RABGAP1L: variants seen among roughly 807,000 people sequenced by gnomAD.
The protein encoded by RABGAP1L is RAB GTPase activating protein 1 like, also known as rab GTPase-activating protein 1-like.
RABGAP1L carries 63 observed loss-of-function variants against 137.7 expected under a neutral mutation model. The ratio of observed to expected loss-of-function variants is 0.46; its 90% CI spans 0.37 to 0.56. RABGAP1L has a LOEUF of 0.56. RABGAP1L is among the 20% of genes least tolerant of loss of function. RABGAP1L has a pLI of 0.00. For synonymous variants in RABGAP1L, 431 were observed against 433.7 expected (o/e 0.99, Z 0.08); for missense variants, 1,095 against 1,244.0 (o/e 0.88, Z 1.80).
chr1:174,812,092 C>T, intron 19 of RABGAP1L, 132 bp downstream of exon 19: 1 of 835,544 alleles, frequency 1.2e-6, no homozygotes. Flanking sequence ...GAACTGATTT[C>T]TCCCAGATGT....
At chr1:174,743,095 A>ATTCC (rs1683579232) in intron 17 of RABGAP1L, among the ~76,000 whole-genome samples, 1 of 152,200 alleles carries the variant, frequency 6.6e-6, no homozygotes, top group Non-Finnish European at 1.5e-5. Flanking sequence ...CCAAGGAAGA[A>ATTCC]GGCTTTAATT....
chr1:174,193,752 A>G (rs1179395033), intron 1 of RABGAP1L, among the ~76,000 whole-genome samples: 3 of 152,158 alleles, frequency 2.0e-5, no homozygotes, highest in Non-Finnish European at 4.4e-5. Context: ...TGGGGAAGGG[A>G]GTATTAATAG....
chr1:174,829,922 A>C (rs1015612366), intron 19 of RABGAP1L, among the ~76,000 whole-genome samples: 1 of 148,384 alleles, frequency 6.7e-6, no homozygotes, highest in Admixed American at 6.8e-5. Context: ...TCAATTATCT[A>C]TTGCTGTATA....
chr1:174,275,810 A>G, intron 8 of RABGAP1L, 23 bp from the exon 9 acceptor site: 1 of 1,557,044 alleles, frequency 6.4e-7, no homozygotes, highest in Non-Finnish European at 8.8e-7. Context: ...TTTTATCAGT[A>G]ATTACTGTTT....
At chr1:174,164,185 T>A (rs1664733125) in intron 1 of RABGAP1L, among the ~76,000 whole-genome samples, 1 of 151,618 alleles carries the variant, frequency 6.6e-6, no homozygotes, top group Non-Finnish European at 1.5e-5. Flanking sequence ...GCTGAACAAA[T>A]GCTAAAAACC....
chr1:174,589,974 T>G (rs1669438249), intron 13 of RABGAP1L, among the ~76,000 whole-genome samples: 1 of 152,172 alleles, frequency 6.6e-6, no homozygotes, highest in Non-Finnish European at 1.5e-5. Flanking sequence ...AATTTACGAT[T>G]ATTTATTTAT....
intron 13 of RABGAP1L, among the ~76,000 whole-genome samples, chr1:174,622,298 A>T (rs1345837131): frequency 6.6e-6 from 1 of 152,208 alleles, no homozygotes; most frequent in African/African-American, 2.4e-5. Flanking sequence ...CAGTGTGGTG[A>T]TTCCTCAAGG....
At chr1:174,240,357 A>G (rs1378090007) in intron 4 of RABGAP1L, among the ~76,000 whole-genome samples, 1 of 152,100 alleles carries the variant, frequency 6.6e-6, no homozygotes, top group Non-Finnish European at 1.5e-5. Context: ...AGCGATTCTC[A>G]TACCTCGGCC....
chr1:174,261,812 C>G (rs570576625), intron 7 of RABGAP1L, among the ~76,000 whole-genome samples: 73 of 152,278 alleles, frequency 4.8e-4, no homozygotes, highest in African/African-American at 1.7e-3. Context: ...AGATGTCAGT[C>G]TGATTTGGAT....
chr1:174,392,143 C>T (rs1647232850), intron 12 of RABGAP1L, among the ~76,000 whole-genome samples: 1 of 151,972 alleles, frequency 6.6e-6, no homozygotes, highest in East Asian at 1.9e-4. Context: ...AATTTAAAGC[C>T]ACGAGAGAAG....
In RABGAP1L at chr1:174,241,560, A is replaced by T. The variant is rs1341038786; in HGVS notation, c.620A>T (p.Asp207Val). The stretch of plus-strand genomic sequence containing the variant: ...GTGTTATTCTGTGCACGTGGACATG[A>T]CGGAACAACAGAGAGCAATTGCTTT... ...YKVLFCARGHDGTTESNCFAF... is the reference protein window; with the variant it reads ...YKVLFCARGHVGTTESNCFAF... The change falls in exon 5 of 26, where the codon GAC becomes GTC. Residue 207 changes from aspartate (D) to valine (V), a missense_variant. Transcript: ENST00000681986. 6.2e-7 allele frequency: 1 copy of T among 1,613,530 alleles called. No homozygotes were observed. The highest frequency in any genetic ancestry group is 8.5e-7 in the Non-Finnish European group (1 of 1,179,482).
intron 17 of RABGAP1L, among the ~76,000 whole-genome samples, chr1:174,710,668 TGAAG>T (rs1680409280): frequency 6.6e-6 from 1 of 152,142 alleles, no homozygotes; most frequent in Admixed American, 6.5e-5. Flanking sequence ...CAAGAGCTCT[TGAAG>T]GAAGCACTAA....
chr1:174,447,288 A>G (rs938842985), intron 13 of RABGAP1L, among the ~76,000 whole-genome samples: 1 of 152,188 alleles, frequency 6.6e-6, no homozygotes, highest in Non-Finnish European at 1.5e-5. Flanking sequence ...TCATTAATTC[A>G]TTGTATATTC....
At chr1:174,539,356 A>G (rs556542744) in intron 13 of RABGAP1L, among the ~76,000 whole-genome samples, 15 of 151,762 alleles carry the variant, frequency 9.9e-5, no homozygotes, top group South Asian at 2.1e-4. Flanking sequence ...GGTTTGTTAC[A>G]TATGTATACA....
chr1:174,914,123 T>G (rs903578501), intron 19 of RABGAP1L, among the ~76,000 whole-genome samples: 1 of 152,172 alleles, frequency 6.6e-6, no homozygotes, highest in African/African-American at 2.4e-5. Context: ...TGAACTCCAT[T>G]CTTTATTTTC....
At chr1:174,386,070 G>A (rs541282303) in intron 12 of RABGAP1L, among the ~76,000 whole-genome samples, 16 of 152,234 alleles carry the variant, frequency 1.1e-4, no homozygotes, top group Non-Finnish European at 2.1e-4. Context: ...TTGATGAATA[G>A]GCAAGAAAAG....
chr1:174,883,231 T>G (rs1169650461), intron 19 of RABGAP1L, among the ~76,000 whole-genome samples: 1 of 152,220 alleles, frequency 6.6e-6, no homozygotes, highest in Non-Finnish European at 1.5e-5. Context: ...ATCTGAAAAC[T>G]GAGAGACATA....
chr1:174,742,574 TG>T (rs1683535585), intron 17 of RABGAP1L, among the ~76,000 whole-genome samples: 1 of 152,124 alleles, frequency 6.6e-6, no homozygotes, highest in Non-Finnish European at 1.5e-5. Context: ...AAAAGATTTC[TG>T]GATGGATTGG....
chr1:174,212,348 T>C (rs1668960888), intron 1 of RABGAP1L, among the ~76,000 whole-genome samples: 1 of 151,990 alleles, frequency 6.6e-6, no homozygotes, highest in South Asian at 2.1e-4. Flanking sequence ...AAAAAGGCAA[T>C]TACTTTTGCA....
Sources: allele counts gnomAD v4.1 joint callset (sites outside exome capture counted in the v4.1 genomes callset), GRCh38; gene constraint gnomAD v4.1.1; transcripts MANE v1.5; gene names NCBI Gene and HGNC (gene_info 2026-07-23, HGNC 2026-07-21).